The following GNG12 variants were observed in gnomAD, a reference collection of about 807,000 sequenced individuals.
The protein encoded by GNG12 is guanine nucleotide-binding protein G(I)/G(S)/G(O) subunit gamma-12.
For missense variants in GNG12, 69 were observed against 83.8 expected (o/e 0.82, Z 0.69); for synonymous variants, 28 against 29.7 (o/e 0.94, Z 0.19).
chr1:67,788,142 C>T (rs1368788167), intron 1 of GNG12, among the ~76,000 whole-genome samples: 1 of 152,158 alleles, frequency 6.6e-6, no homozygotes, highest in Non-Finnish European at 1.5e-5. Context: ...TATAATTTGC[C>T]ATAATTTACA....
intron 1 of GNG12, among the ~76,000 whole-genome samples, chr1:67,791,002 C>T (rs1646799109): frequency 6.6e-6 from 1 of 152,144 alleles, no homozygotes; most frequent in Admixed American, 6.5e-5. Flanking sequence ...AAATGAAAAA[C>T]ACACTCTGGA....
intron 2 of GNG12, among the ~76,000 whole-genome samples, chr1:67,723,845 T>C (rs1188976728): frequency 6.6e-6 from 1 of 152,188 alleles, no homozygotes; most frequent in Non-Finnish European, 1.5e-5. Context: ...TAGTAATTGT[T>C]ATTCACAAAA....
At chr1:67,722,273 G>A (rs1003154522) in intron 2 of GNG12, among the ~76,000 whole-genome samples, 2 of 152,106 alleles carry the variant, frequency 1.3e-5, no homozygotes, top group Admixed American at 6.5e-5. Flanking sequence ...CTTCTTGAAG[G>A]GGCAGGAGAA....
chr1:67,756,299 A>T (rs555239678), intron 2 of GNG12, among the ~76,000 whole-genome samples: 4 of 152,364 alleles, frequency 2.6e-5, no homozygotes, highest in Admixed American at 2.6e-4. Flanking sequence ...GAGTAGCATG[A>T]TCAGGTCTGT....
chr1:67,789,950 C>T (rs1646792154), intron 1 of GNG12, among the ~76,000 whole-genome samples: 1 of 152,130 alleles, frequency 6.6e-6, no homozygotes, highest in Non-Finnish European at 1.5e-5. Context: ...ATAGTTTAGT[C>T]TTAAACTCTA....
intron 2 of GNG12, among the ~76,000 whole-genome samples, chr1:67,767,758 TA>T (rs1317702871): frequency 1.3e-5 from 2 of 152,192 alleles, no homozygotes; most frequent in Non-Finnish European, 1.5e-5. Context: ...AGGCAAGGCC[TA>T]AAAAAATAGA....
intron 2 of GNG12, among the ~76,000 whole-genome samples, chr1:67,722,088 C>T (rs780160009): frequency 6.6e-6 from 1 of 151,944 alleles, no homozygotes; most frequent in Non-Finnish European, 1.5e-5. Flanking sequence ...TATTGCTAAG[C>T]AAATAGGAGC....
chr1:67,766,148 A>ACACACC lies in GNG12; in HGVS notation c.-27+11309_-27+11310insGGTGTG, dbSNP rs756645057. Among the ~76,000 whole-genome samples the ACACACC allele has an allele frequency of 3.9e-3, 526 of 133,730 alleles. 3 individuals carry two copies. Among genetic ancestry groups the ACACACC allele is most frequent in the East Asian group, 0.032 (151 of 4,738 alleles). The allele number at this position is 133,730 out of a possible 152,430, so 87.7% of individuals were successfully genotyped here. A position where few individuals can be genotyped will look rare whatever the true frequency, so the allele number is the denominator to read the frequency against. On this transcript the variant is annotated intron_variant, in intron 2 of 3. Transcript: ENST00000370982. ...CACACACACACACACACACACACAC[A>ACACACC]CCCCTAAACAATGCCCTCATAGACA...
chr1:67,769,122 G>T (rs1557611127), intron 2 of GNG12, among the ~76,000 whole-genome samples: 1 of 152,172 alleles, frequency 6.6e-6, no homozygotes, highest in Admixed American at 6.5e-5. Context: ...TACCCAAAAT[G>T]CATTTAATAC....
At chr1:67,766,077 C>G (rs1157872073) in intron 2 of GNG12, among the ~76,000 whole-genome samples, 2 of 148,966 alleles carry the variant, frequency 1.3e-5, no homozygotes, top group Admixed American at 1.3e-4. Flanking sequence ...TATCTCAAGG[C>G]AAAAACTCAA....
chr1:67,730,048 C>G (rs1036911216), intron 2 of GNG12, among the ~76,000 whole-genome samples: 1 of 152,180 alleles, frequency 6.6e-6, no homozygotes, highest in Non-Finnish European at 1.5e-5. Flanking sequence ...CACAGCAGCA[C>G]TATTCAAATG....
chr1:67,758,005 CTT>C (rs1021765374), intron 2 of GNG12, among the ~76,000 whole-genome samples: 12 of 152,256 alleles, frequency 7.9e-5, no homozygotes, highest in African/African-American at 2.9e-4. Context: ...GAGTTTTACT[CTT>C]GTCGCCCAGT....
chr1:67,789,293 G>A (rs911883097), intron 1 of GNG12, among the ~76,000 whole-genome samples: 9 of 152,170 alleles, frequency 5.9e-5, no homozygotes, highest in African/African-American at 1.9e-4. Context: ...GAGGACATGT[G>A]CCTTAGAATC....
intron 1 of GNG12, among the ~76,000 whole-genome samples, chr1:67,805,903 GA>G (rs200668105): frequency 0.16 from 21,187 of 129,186 alleles, 3,171 homozygotes; most frequent in African/African-American, 0.42. Flanking sequence ...AAAGACAAAA[GA>G]AAAAAAAAAA....
intron 1 of GNG12, among the ~76,000 whole-genome samples, chr1:67,824,503 C>T (rs1241240876): frequency 1.1e-5 from 1 of 93,954 alleles, no homozygotes; most frequent in African/African-American, 4.3e-5. Flanking sequence ...GACTGAGATC[C>T]TGTCTCAAAA....
chr1:67,759,107 C>T (rs1210483288), intron 2 of GNG12, among the ~76,000 whole-genome samples: 2 of 152,224 alleles, frequency 1.3e-5, no homozygotes, highest in African/African-American at 4.8e-5. Flanking sequence ...GATCATTATA[C>T]ATTGTATACA....
In GNG12 at chr1:67,833,384, C is replaced by T. The variant is rs1279372606; in HGVS notation, c.-117G>A. ...CTGCCCCGCCGTCGCCGCCGGGACT[C>T]GGTCTCTAAGGGCTCCTGGAGACGG... On this transcript the variant is annotated 5_prime_UTR_variant, in exon 1 of 4. Coordinates refer to ENST00000370982, the MANE Select transcript of GNG12 (RefSeq NM_018841.6). The T allele has an allele frequency of 1.0e-5, 10 of 985,546 alleles. No individual in the cohort carries two copies. In the South Asian group the frequency reaches 1.4e-4, roughly 14 times the overall value. 61.1% of individuals were successfully genotyped at this position (985,546 alleles called of 1,614,324 possible). A position where few individuals can be genotyped will look rare whatever the true frequency, so the allele number is the denominator to read the frequency against.
In GNG12 at chr1:67,702,088, G is replaced by C. The variant is rs1235738631; in HGVS notation, c.*3363C>G. ...GTCCAAGGTCACACAGCACAGGACA[G>C]ACTGGGAAATGATCCAGGGCTATGA... On this transcript the variant is annotated 3_prime_UTR_variant, in exon 4 of 4. Coordinates refer to ENST00000370982, the MANE Select transcript of GNG12 (RefSeq NM_018841.6). The C allele has an allele frequency of 3.3e-5, 5 of 152,792 alleles. No homozygotes were observed. Among genetic ancestry groups the C allele is most frequent in the Non-Finnish European group, 5.9e-5 (4 of 68,162 alleles). The allele number at this position is 152,792 out of a possible 1,614,324, so 9.5% of individuals were successfully genotyped here.
chr1:67,727,196 C>T (rs562454430), intron 2 of GNG12, among the ~76,000 whole-genome samples: 1 of 152,100 alleles, frequency 6.6e-6, no homozygotes, highest in Non-Finnish European at 1.5e-5. Flanking sequence ...TATTTAATTG[C>T]AAAGTTAATT....
Sources: allele counts gnomAD v4.1 joint callset (sites outside exome capture counted in the v4.1 genomes callset), GRCh38; gene constraint gnomAD v4.1.1; transcripts MANE v1.5; gene names NCBI Gene and HGNC (gene_info 2026-07-23, HGNC 2026-07-21).